Variants in PSG1 observed in about 807,000 individuals in gnomAD.
PSG1 encodes the protein pregnancy specific beta-1-glycoprotein 1, also known as pregnancy-specific beta-1-glycoprotein 1.
PSG1 carries 60 observed loss-of-function variants against 41.4 expected under a neutral mutation model. That is an observed-to-expected ratio of 1.45 (90% CI 1.18 to 1.80). The LOEUF (loss-of-function observed/expected upper bound fraction) is 1.80. Among genes scored for constraint, PSG1 ranks in the 40% most tolerant of loss-of-function variants. The pLI, the probability that PSG1 is intolerant of heterozygous loss-of-function variation, is 0.00. For missense variants in PSG1, 806 were observed against 516.9 expected (o/e 1.56, Z -5.42); for synonymous variants, 256 against 192.9 (o/e 1.33, Z -2.71).
chr19:42,877,406 C>A (rs1971654234), intron 2 of PSG1, among the ~76,000 whole-genome samples: 1 of 151,592 alleles, frequency 6.6e-6, no homozygotes, highest in Non-Finnish European at 1.5e-5. Flanking sequence ...GAGACACAGT[C>A]CTCTGACAGC....
chr19:42,876,154 G>A (rs1971595697), intron 2 of PSG1, among the ~76,000 whole-genome samples: 1 of 151,470 alleles, frequency 6.6e-6, no homozygotes, highest in Non-Finnish European at 1.5e-5. Flanking sequence ...TAGAGGTGGA[G>A]GAAGAAGCTG....
At chr19:42,875,708 G>T (rs1375238251) in intron 2 of PSG1, among the ~76,000 whole-genome samples, 1 of 151,620 alleles carries the variant, frequency 6.6e-6, no homozygotes, top group Non-Finnish European at 1.5e-5. Context: ...ATCCACTGGG[G>T]AGGCTGATTT....
chr19:42,876,591 T>C (rs927836272), intron 2 of PSG1: 7 of 375,416 alleles, frequency 1.9e-5, no homozygotes, highest in East Asian at 8.0e-5. Context: ...TGTGGTGGTG[T>C]AGAGTGTGAG....
Position 42,871,869 on chromosome 19 carries a change from A to G in PSG1, c.607T>C (p.Phe203Leu). The G allele has an allele frequency of 6.2e-7, 1 of 1,612,570 alleles. No individual in the cohort carries two copies. Among genetic ancestry groups the G allele is most frequent in the Non-Finnish European group, 8.5e-7 (1 of 1,179,242 alleles). The change falls in exon 3 of 6, where the codon TTT (phenylalanine) becomes CTT (leucine). Residue 203 changes from phenylalanine to leucine, a missense_variant. Coordinates refer to ENST00000436291, the MANE Select transcript of PSG1 (RefSeq NM_001184825.2). Reference sequence around the variant, plus strand: ...GTATACTTTGTGACACCCAATAGAAAGAGGGTCCTGTTGGTTTCGGACAGC... The same window carrying G: ...GTATACTTTGTGACACCCAATAGAAGGAGGGTCCTGTTGGTTTCGGACAGC... ...LKLSETNRTL[F>L]LLGVTKYTAG... is the part of the protein sequence containing the mutation.
Position 42,871,847 on chromosome 19 carries a change from T to C in PSG1, c.629A>G (p.Tyr210Cys). ...TTCACATTCATAGGGTCCTGCAGTA[T>C]ACTTTGTGACACCCAATAGAAAGAG... ...RTLFLLGVTK[Y>C]TAGPYECEIR... is the part of the protein sequence containing the mutation. The change falls in exon 3 of 6, where the codon TAT (tyrosine) becomes TGT (cysteine). Residue 210 changes from tyrosine (Y) to cysteine (C), a missense_variant. Tyr to Cys is a radical substitution (Grantham distance 194, BLOSUM62 -2). Coordinates refer to ENST00000436291, the MANE Select transcript of PSG1 (RefSeq NM_001184825.2). 1.2e-6 allele frequency: 2 copies of C among 1,612,562 alleles called. No individual in the cohort carries two copies. The highest frequency in any genetic ancestry group is 1.7e-6 in the Non-Finnish European group (2 of 1,179,248).
chr19:42,871,506 C>G (rs1468627469), intron 3 of PSG1, among the ~76,000 whole-genome samples: 1 of 151,762 alleles, frequency 6.6e-6, no homozygotes, highest in Non-Finnish European at 1.5e-5. Context: ...GTTCACAGAT[C>G]TGGAGCCTGA....
Position 42,868,882 on chromosome 19 carries a change from G to A in PSG1, c.862C>T (p.Arg288Ter), listed in dbSNP as rs12986075. Reference protein sequence around the residue: ...QSLPVSPRVKRPIENRILILP... With the variant: ...QSLPVSPRVK ...ATGAGGATCCTGTTTTCAATGGGTC[G>A]CTTTACCCTGGGACTGACCGGGAGG... Residue 288 changes from arginine (R) to a stop codon, truncating the protein, a stop_gained, in exon 4 of 6, where the codon CGA (arginine) becomes TGA (stop). Transcript: ENST00000436291. LOFTEE classifies it high-confidence loss of function. The A allele has an allele frequency of 0.17, 278,822 of 1,609,934 alleles. 31,405 individuals carry two copies. The highest frequency in any genetic ancestry group is 0.2 in the Non-Finnish European group (235,606 of 1,178,498).
chr19:42,874,464 G>A (rs1280360915), intron 2 of PSG1, among the ~76,000 whole-genome samples: 9 of 151,348 alleles, frequency 5.9e-5, no homozygotes, highest in Middle Eastern at 3.4e-3. Flanking sequence ...CTCCTGCCTT[G>A]GCCTCCCAAG....
Position 42,869,018 on chromosome 19 carries a change from G to C in PSG1, c.726C>G (p.Pro242=). The change falls in exon 4 of 6, where the codon CCC becomes CCG. Residue 242 remains proline (P), a synonymous_variant. Transcript: ENST00000436291. ...TLNLLPKLPK[P]YITINNLNPR... is the part of the protein sequence containing the mutation. Reference sequence around the variant, plus strand: ...GGTTTAAGTTGTTGATGGTGATGTAGGGCTTGGGCAGCTTCGCTGTGTGGA... The same window carrying C: ...GGTTTAAGTTGTTGATGGTGATGTACGGCTTGGGCAGCTTCGCTGTGTGGA... The C allele has an allele frequency of 1.2e-6, 2 of 1,610,554 alleles. No individual in the cohort carries two copies. Among genetic ancestry groups the C allele is most frequent in the South Asian group, 2.2e-5 (2 of 90,690 alleles).
At chr19:42,872,969 A>G (rs1414588967) in intron 2 of PSG1, among the ~76,000 whole-genome samples, 1 of 151,698 alleles carries the variant, frequency 6.6e-6, no homozygotes, top group East Asian at 1.9e-4. Flanking sequence ...TCTTGCAGAT[A>G]CTTTCTCTCA....
chr19:42,879,302 A>T (rs916324026), intron 1 of PSG1, among the ~76,000 whole-genome samples: 11 of 151,104 alleles, frequency 7.3e-5, no homozygotes, highest in African/African-American at 2.7e-4. Flanking sequence ...ATAGGAGCAC[A>T]CCACCATACC....
In PSG1 at chr19:42,868,092, T is replaced by C. The variant is rs750178650; in HGVS notation, c.1243+9A>G. 3 of 1,612,296 alleles carry C rather than the reference T, an allele frequency of 1.9e-6. No homozygotes were observed. Among genetic ancestry groups the C allele is most frequent in the Non-Finnish European group, 2.5e-6 (3 of 1,179,090 alleles). ...AACCCTATTGCCAACGATGCTGGGA[T>C]CCACTTACCAGAGACTTCGACTGTC... On this transcript the variant is annotated intron_variant, in intron 5 of 5. Coordinates refer to ENST00000436291, the MANE Select transcript of PSG1 (RefSeq NM_001184825.2).
chr19:42,876,018 G>A (rs1008511052), intron 2 of PSG1, among the ~76,000 whole-genome samples: 4 of 151,270 alleles, frequency 2.6e-5, no homozygotes, highest in African/African-American at 7.3e-5. Context: ...AGGAAGCCTG[G>A]CAGGAGTGGC....
In PSG1 at chr19:42,867,095, T is replaced by A; in HGVS notation, c.*39A>T. 1 of 772,880 alleles carries A rather than the reference T, an allele frequency of 1.3e-6. No homozygotes were observed. Among genetic ancestry groups the A allele is most frequent in the Middle Eastern group, 2.3e-4 (1 of 4,426 alleles). 47.9% of individuals were successfully genotyped at this position (772,880 alleles called of 1,614,324 possible). On this transcript the variant is annotated 3_prime_UTR_variant, in exon 6 of 6. Coordinates refer to ENST00000436291, the MANE Select transcript of PSG1 (RefSeq NM_001184825.2). ...ACAGAGTGGGTCTTGCTCTTAGTGA[T>A]TCCATGGGAGAAAATGGAATTGGAG...
Position 42,871,891 on chromosome 19 carries a change from C to T in PSG1, c.585G>A (p.Leu195=). Residue 195 remains leucine (L), a synonymous_variant, in exon 3 of 6, where the codon CTG becomes CTA. Coordinates refer to ENST00000436291, the MANE Select transcript of PSG1 (RefSeq NM_001184825.2). ...QSLPMTHSLK[L]SETNRTLFLL... is the part of the protein sequence containing the mutation. ...GAAAGAGGGTCCTGTTGGTTTCGGACAGCTTCAAGCTGTGAGTCATAGGGA... is the reference window on the plus strand; with the variant it reads ...GAAAGAGGGTCCTGTTGGTTTCGGATAGCTTCAAGCTGTGAGTCATAGGGA... 1 of 1,612,438 alleles carries T rather than the reference C, an allele frequency of 6.2e-7. No individual in the cohort carries two copies. Among genetic ancestry groups the T allele is most frequent in the South Asian group, 1.1e-5 (1 of 90,820 alleles).
At chr19:42,876,286 A>G (rs549709891) in intron 2 of PSG1, among the ~76,000 whole-genome samples, 1 of 151,546 alleles carries the variant, frequency 6.6e-6, no homozygotes, top group South Asian at 2.1e-4. Context: ...CAGAAACTCC[A>G]GGGACCAGGT....
intron 2 of PSG1, among the ~76,000 whole-genome samples, chr19:42,873,160 G>C (rs970368142): frequency 1.3e-4 from 19 of 151,634 alleles, no homozygotes; most frequent in African/African-American, 4.4e-4. Context: ...GAGATCTCCT[G>C]TACAGCCTCA....
rs573475722 is a variant in PSG1 at position 42,878,577 on chromosome 19, C to T, written c.65-299G>A. On this transcript the variant is annotated intron_variant, in intron 1 of 5. Coordinates refer to ENST00000436291, the MANE Select transcript of PSG1 (RefSeq NM_001184825.2). ...TCCTCTTCCCCAGGGGTCCGCATGGCCCCCTCCACAATGCCCTCAGGTCCT... is the reference window on the plus strand; with the variant it reads ...TCCTCTTCCCCAGGGGTCCGCATGGTCCCCTCCACAATGCCCTCAGGTCCT... 2.2e-5 allele frequency among the ~76,000 whole-genome samples: 3 copies of T among 139,372 alleles called. 1 individual carries two copies. The highest frequency in any genetic ancestry group is 4.6e-5 in the Non-Finnish European group (3 of 65,552). The allele number at this position is 139,372 out of a possible 152,430, so 91.4% of individuals were successfully genotyped here.
In PSG1 at chr19:42,868,358, G is replaced by A. The variant is rs1265452058; in HGVS notation, c.989-3C>T. 1 of 1,604,512 alleles carries A rather than the reference G, an allele frequency of 6.2e-7. No homozygotes were observed. Reference sequence around the variant, plus strand: ...AATTCTGGGGAGGTCTGGACCATCTGGAGCAAAGAGAATAAAGCCACAGGT... The same window carrying A: ...AATTCTGGGGAGGTCTGGACCATCTAGAGCAAAGAGAATAAAGCCACAGGT... On this transcript the variant is annotated splice_region_variant and splice_polypyrimidine_tract_variant and intron_variant, in intron 4 of 5. Transcript: ENST00000436291.
Sources: allele counts gnomAD v4.1 joint callset (sites outside exome capture counted in the v4.1 genomes callset), GRCh38; gene constraint gnomAD v4.1.1; transcripts MANE v1.5; gene names NCBI Gene and HGNC (gene_info 2026-07-23, HGNC 2026-07-21).